Variants in SSH3 observed in about 807,000 individuals in gnomAD.
SSH3 encodes slingshot protein phosphatase 3, also known as protein phosphatase Slingshot homolog 3.
A neutral mutation model predicts 75.0 loss-of-function variants in SSH3; 67 were observed. That is an observed-to-expected ratio of 0.89 (90% CI 0.73 to 1.10). The LOEUF (loss-of-function observed/expected upper bound fraction) is 1.10, where lower values mean the gene tolerates loss of function less well. Ranked by LOEUF, SSH3 falls within the 50% of genes least tolerant of loss-of-function variation. The pLI is 0.00. For missense variants in SSH3, 824 were observed against 872.7 expected, an observed-to-expected ratio of 0.94 and a Z score of 0.70; for synonymous variants, 318 against 349.2, an observed-to-expected ratio of 0.91 and a Z score of 1.00.
chr11:67,311,934 A>G lies in SSH3; in HGVS notation c.*47A>G, dbSNP rs1298323883. 3.8e-6 allele frequency: 6 copies of G among 1,591,504 alleles called. No homozygotes were observed. The African/African-American group carries it at 6.8e-5, about 18-fold the overall frequency. On this transcript the variant is annotated 3_prime_UTR_variant, in exon 14 of 14. Coordinates refer to ENST00000308127, the MANE Select transcript of SSH3 (RefSeq NM_017857.4). ...CCCCTGACACTGAAGAGGATCCACA[A>G]CTCCTTGGAGAAACACCCTCACGTC... is the stretch of plus-strand genomic sequence containing the variant.
At position 67,310,117 on chromosome 11, in the gene SSH3, G is replaced by A; in HGVS notation, c.1461G>A (p.Glu487=). The A allele has an allele frequency of 6.2e-7, 1 of 1,614,106 alleles. No individual in the cohort carries two copies. The highest frequency in any genetic ancestry group is 8.5e-7 in the Non-Finnish European group (1 of 1,180,038). ...EQKVGGVSPE[E]HPAPEVSTPF... is the part of the protein sequence containing the mutation. The stretch of plus-strand genomic sequence containing the variant: ...AAGTGGGTGGGGTCTCCCCAGAGGA[G>A]CACCCAGCCCCTGAAGTCTCTACAC... Residue 487 remains glutamate (E), a synonymous_variant, in exon 13 of 14, where the codon GAG becomes GAA. Transcript: ENST00000308127.
intron 1 of SSH3, 163 bp from the exon 2 acceptor site, chr11:67,303,955 G>T: frequency 1.0e-6 from 1 of 1,000,906 alleles, no homozygotes; most frequent in South Asian, 1.8e-5. Context: ...ACCTGGCCTT[G>T]GGCCGGGGCT....
chr11:67,311,721 C>T lies in SSH3; in HGVS notation c.1814C>T (p.Thr605Ile), dbSNP rs780664675. Residue 605 changes from threonine (T) to isoleucine (I), a missense_variant, in exon 14 of 14, where the codon ACC becomes ATC. By Grantham distance (89) the Thr-to-Ile change is moderately conservative (BLOSUM62 -1). Transcript: ENST00000308127. The stretch of plus-strand genomic sequence containing the variant: ...CTGAAGTCCCGCCAGTCAGTGGTTA[C>T]CCTCCAGGGCAGTGCCGTGGTGGCC... ...PALKSRQSVV[T>I]LQGSAVVANR... The T allele has an allele frequency of 1.9e-6, 3 of 1,613,888 alleles. No homozygotes were observed. Among genetic ancestry groups the T allele is most frequent in the South Asian group, 1.1e-5 (1 of 91,084 alleles).
At chr11:67,304,311 G>A (rs970149552) in intron 2 of SSH3, among the ~76,000 whole-genome samples, 156 bp downstream of exon 2, 4 of 152,212 alleles carry the variant, frequency 2.6e-5, no homozygotes, top group Admixed American at 6.5e-5. Context: ...GGGGCCGGCT[G>A]GTGGGCTCGC....
chr11:67,311,789 C>T lies in SSH3; in HGVS notation c.1882C>T (p.Gln628Ter). 6.2e-7 allele frequency: 1 copy of T among 1,613,412 alleles called. No individual in the cohort carries two copies. ...AFQEQEQGQG[Q>*]GQGEPCISST... Reference sequence around the variant, plus strand: ...CCAGGAGCAGGAGCAGGGGCAGGGGCAGGGGCAGGGAGAGCCCTGCATTTC... The same window carrying T: ...CCAGGAGCAGGAGCAGGGGCAGGGGTAGGGGCAGGGAGAGCCCTGCATTTC... The change falls in exon 14 of 14, where the codon CAG (glutamine) becomes TAG (stop). Residue 628 changes from glutamine to a stop codon, truncating the protein, a stop_gained. Coordinates refer to ENST00000308127, the MANE Select transcript of SSH3 (RefSeq NM_017857.4). LOFTEE classifies it low-confidence loss of function (END_TRUNC).
Position 67,309,781 on chromosome 11 carries a change from C to T in SSH3, c.1222C>T (p.His408Tyr). The T allele has an allele frequency of 1.2e-6, 2 of 1,613,122 alleles. No individual in the cohort carries two copies. The highest frequency in any genetic ancestry group is 1.7e-6 in the Non-Finnish European group (2 of 1,180,034). ...CTGCTTCCACAGAGCACAGGGCACC[C>T]ACGTGCTGGTCCACTGCAAGATGGG... is the stretch of plus-strand genomic sequence containing the variant. The part of the protein sequence containing the change: ...FIEAARAQGT[H>Y]VLVHCKMGVS... The change falls in exon 12 of 14, where the codon CAC becomes TAC. Residue 408 changes from histidine (H) to tyrosine (Y), a missense_variant. His to Tyr is a moderately conservative substitution (Grantham distance 83, BLOSUM62 2). Transcript: ENST00000308127.
At position 67,303,733 on chromosome 11, in the gene SSH3, C is replaced by T. The variant is rs556340255; in HGVS notation, c.66+42C>T. On this transcript the variant is annotated intron_variant, in intron 1 of 13. Transcript: ENST00000308127. ...CGTGGTGCCGCCCACGCAGTTGCTG[C>T]CCCGGCTTGGGAGCGCGTCCTGCCC... The T allele has an allele frequency of 9.6e-5, 138 of 1,439,354 alleles. 1 individual carries two copies. In the East Asian group the frequency reaches 3.5e-3, roughly 37 times the overall value. 89.2% of individuals were successfully genotyped at this position (1,439,354 alleles called of 1,614,324 possible). A position where few individuals can be genotyped will look rare whatever the true frequency, so the allele number is the denominator to read the frequency against.
intron 13 of SSH3, among the ~76,000 whole-genome samples, chr11:67,310,742 G>A (rs1038638594): frequency 2.0e-5 from 3 of 152,166 alleles, no homozygotes; most frequent in African/African-American, 7.2e-5. Context: ...CTCGATCGCG[G>A]GCAGGTTCCA....
chr11:67,305,222 T>C (rs1160612464), intron 3 of SSH3, among the ~76,000 whole-genome samples: 2 of 151,892 alleles, frequency 1.3e-5, no homozygotes, highest in Non-Finnish European at 2.9e-5. Context: ...AGTCTCGCTC[T>C]GTTGCCCAGG....
chr11:67,306,962 G>T lies in SSH3; in HGVS notation c.464G>T (p.Ser155Ile). Reference sequence around the variant, plus strand: ...CTGGGCGTGGATTTCCCTGACAGCAGGTTCGAGCAGGGAGAGGAAAGGAGG... The same window carrying T: ...CTGGGCGTGGATTTCCCTGACAGCATGTTCGAGCAGGGAGAGGAAAGGAGG... ...VLLGVDFPDSSSPSCTLGLVL... is the reference protein window; with the variant it reads ...VLLGVDFPDSISPSCTLGLVL... Residue 155 changes from serine (S) to isoleucine (I), a missense_variant and splice_region_variant, in exon 4 of 14, where the codon AGC (serine) becomes ATC (isoleucine). By Grantham distance (142) the Ser-to-Ile change is moderately radical. Transcript: ENST00000308127. The T allele has an allele frequency of 6.2e-7, 1 of 1,612,458 alleles. No homozygotes were observed. The highest frequency in any genetic ancestry group is 8.5e-7 in the Non-Finnish European group (1 of 1,178,634).
chr11:67,304,094 G>T, intron 1 of SSH3, 24 bp from the exon 2 acceptor site: 1 of 1,578,160 alleles, frequency 6.3e-7, no homozygotes, highest in East Asian at 2.3e-5. Context: ...CCCTCACCCT[G>T]CCCTGGGGCT....
chr11:67,309,218 T>A (rs1861339890), intron 10 of SSH3, 179 bp from the exon 11 acceptor site: 1 of 699,962 alleles, frequency 1.4e-6, no homozygotes, highest in Non-Finnish European at 2.3e-6. Flanking sequence ...CAGGGCAAGA[T>A]GATTGGTCTA....
chr11:67,304,297 C>T (rs1382916735), intron 2 of SSH3, 142 bp downstream of exon 2: 2 of 687,412 alleles, frequency 2.9e-6, no homozygotes, highest in African/African-American at 1.8e-5. Flanking sequence ...GCAGCGTTCC[C>T]GGTGGGGCCG....
chr11:67,310,452 C>G, intron 13 of SSH3, 113 bp downstream of exon 13: 1 of 1,363,036 alleles, frequency 7.3e-7, no homozygotes, highest in Non-Finnish European at 9.8e-7. Flanking sequence ...CGTACCCGGG[C>G]TAAGTCTGGC....
chr11:67,303,851 C>G (rs554126693), intron 1 of SSH3, 160 bp downstream of exon 1: 3 of 795,444 alleles, frequency 3.8e-6, no homozygotes, highest in Non-Finnish European at 5.5e-6. Flanking sequence ...CTGGTACTGG[C>G]GCCGGGGCAC....
chr11:67,306,038 CCAG>C (rs1251376949), intron 3 of SSH3, among the ~76,000 whole-genome samples: 4 of 151,978 alleles, frequency 2.6e-5, no homozygotes, highest in Non-Finnish European at 4.4e-5. Flanking sequence ...GCCTGTAATC[CCAG>C]CACTTTGGGA....
Position 67,308,568 on chromosome 11 carries a change from T to G in SSH3, c.1061+110T>G. The G allele has an allele frequency of 5.5e-5, 75 of 1,370,206 alleles. No individual in the cohort carries two copies. Among genetic ancestry groups the G allele is most frequent in the Non-Finnish European group, 7.0e-5 (70 of 993,766 alleles). 84.9% of individuals were successfully genotyped at this position (1,370,206 alleles called of 1,614,324 possible). On this transcript the variant is annotated intron_variant, in intron 10 of 13. Coordinates refer to ENST00000308127, the MANE Select transcript of SSH3 (RefSeq NM_017857.4). This position sits in a 1 kb window ranked among gnomAD's most constrained non-coding sequence, Gnocchi z 4.9. ...CCCCTGGACCACCCTCAGCAGCTGC[T>G]AGCTCTGCTTCTAACTCTGTCCTGG...
chr11:67,310,041 C>T lies in SSH3; in HGVS notation c.1410-25C>T. 3 of 1,610,832 alleles carry T rather than the reference C, an allele frequency of 1.9e-6. No homozygotes were observed. In the South Asian group the frequency reaches 3.3e-5, roughly 18 times the overall value. On this transcript the variant is annotated intron_variant, in intron 12 of 13. Coordinates refer to ENST00000308127, the MANE Select transcript of SSH3 (RefSeq NM_017857.4). ...GGGGTGGCTGCTGGGTCACTCAGAG[C>T]TGACTCAGGGCCACCTCCTCACAGC...
Position 67,308,456 on chromosome 11 carries a change from C to A in SSH3, c.1059C>A (p.Asn353Lys), listed in dbSNP as rs939724808. 1.3e-6 allele frequency: 2 copies of A among 1,592,030 alleles called. No individual in the cohort carries two copies. The highest frequency in any genetic ancestry group is 1.7e-6 in the Non-Finnish European group (2 of 1,169,608). Reference sequence around the variant, plus strand: ...CAAACCTGGAGGAGCTGCAGAGGAACAGGTAGGGCTATGAGCCCCTCGGGC... The same window carrying A: ...CAAACCTGGAGGAGCTGCAGAGGAAAAGGTAGGGCTATGAGCCCCTCGGGC... ...NAANLEELQRNRVTHILNMAR... is the reference protein window; with the variant it reads ...NAANLEELQRKRVTHILNMAR... Residue 353 changes from asparagine to lysine, a missense_variant and splice_region_variant, in exon 10 of 14, where the codon AAC becomes AAA. Asn to Lys is a moderately conservative substitution (Grantham distance 94). Transcript: ENST00000308127. This position sits in a 1 kb window ranked among gnomAD's most constrained non-coding sequence, Gnocchi z 4.9.
Sources: gnomAD v4.1 joint callset for allele counts (sites outside exome capture counted in the v4.1 genomes callset) on GRCh38, gnomAD v4.1.1 for gene constraint, Gnocchi (gnomAD v3.1) non-coding constraint, MANE v1.5 for transcripts, NCBI Gene and HGNC (gene_info 2026-07-23, HGNC 2026-07-21) for gene names.